KAZN: variants seen among roughly 807,000 people sequenced by gnomAD.
KAZN encodes the protein kazrin.
KAZN carries 40 observed loss-of-function variants against 87.4 expected under a neutral mutation model. That is an observed-to-expected ratio of 0.46 (90% CI 0.36 to 0.60). KAZN has a LOEUF of 0.60. KAZN is among the 20% of genes least tolerant of loss of function. KAZN has a pLI of 0.00. For synonymous variants in KAZN, 466 were observed against 458.3 expected (o/e 1.02, Z -0.22); for missense variants, 898 against 1,073.9 (o/e 0.84, Z 2.29).
At chr1:14,812,911 G>T (rs1282717498) in intron 1 of KAZN, among the ~76,000 whole-genome samples, 1 of 152,172 alleles carries the variant, frequency 6.6e-6, no homozygotes, top group African/African-American at 2.4e-5. Context: ...GAAACTCATA[G>T]CCTTAAGAAA....
chr1:15,000,975 T>A (rs12044913), intron 2 of KAZN, among the ~76,000 whole-genome samples: 10 of 151,848 alleles, frequency 6.6e-5, no homozygotes, highest in Admixed American at 6.5e-4. Context: ...TGGTAGTGTC[T>A]ACCTGTGATC....
chr1:14,437,895 C>G (rs947927813), intron 2 of KAZN, among the ~76,000 whole-genome samples: 4 of 152,104 alleles, frequency 2.6e-5, no homozygotes, highest in African/African-American at 9.7e-5. Context: ...GGAGGAGGAG[C>G]TGCCATCATC....
intron 1 of KAZN, among the ~76,000 whole-genome samples, chr1:14,911,374 C>T (rs901141728): frequency 6.6e-6 from 1 of 152,228 alleles, no homozygotes; most frequent in African/African-American, 2.4e-5. Flanking sequence ...AAAGAGCGAG[C>T]ACTTCCTGTT....
intron 1 of KAZN, among the ~76,000 whole-genome samples, chr1:13,909,134 G>A (rs1639555677): frequency 6.6e-6 from 1 of 152,178 alleles, no homozygotes. Flanking sequence ...TCTTATGGAA[G>A]TACAAGGTTA....
chr1:14,273,806 T>A (rs1652136145), intron 2 of KAZN, among the ~76,000 whole-genome samples: 1 of 150,872 alleles, frequency 6.6e-6, no homozygotes, highest in Non-Finnish European at 1.5e-5. Flanking sequence ...AAACAAGATC[T>A]TTCTCAAAGT....
chr1:14,579,365 C>T (rs976755779), intron 2 of KAZN, among the ~76,000 whole-genome samples: 1 of 152,162 alleles, frequency 6.6e-6, no homozygotes. Context: ...GTGGCTCACG[C>T]CTGTAATCCC....
chr1:13,967,080 A>G (rs539241682), intron 1 of KAZN, among the ~76,000 whole-genome samples: 27 of 152,230 alleles, frequency 1.8e-4, no homozygotes, highest in African/African-American at 6.5e-4. Context: ...TATTTTCTGT[A>G]GCACCTTAGA....
chr1:14,089,552 C>G (rs1351361753), intron 1 of KAZN, among the ~76,000 whole-genome samples: 1 of 152,112 alleles, frequency 6.6e-6, no homozygotes, highest in East Asian at 1.9e-4. Flanking sequence ...CCTTGTAGCA[C>G]TATACTTTCA....
At chr1:13,965,972 A>G (rs1004432566) in intron 1 of KAZN, among the ~76,000 whole-genome samples, 2 of 152,060 alleles carry the variant, frequency 1.3e-5, no homozygotes, top group African/African-American at 4.8e-5. Context: ...GTTATTGGAG[A>G]TGGAGCCCAG....
intron 1 of KAZN, among the ~76,000 whole-genome samples, chr1:14,166,314 AAAATAAAT>A (rs151108761): frequency 6.6e-6 from 1 of 152,082 alleles, no homozygotes; most frequent in South Asian, 2.1e-4. Flanking sequence ...GACTGTCTCA[AAAATAAAT>A]AAATAAATAA....
intron 1 of KAZN, among the ~76,000 whole-genome samples, chr1:14,124,900 G>A (rs969708158): frequency 1.3e-5 from 2 of 152,202 alleles, no homozygotes; most frequent in Non-Finnish European, 2.9e-5. Flanking sequence ...GCAGCACTGG[G>A]GAGGGGAGAG....
intron 2 of KAZN, among the ~76,000 whole-genome samples, chr1:14,435,334 A>G (rs1463788342): frequency 1.3e-5 from 2 of 152,186 alleles, no homozygotes; most frequent in African/African-American, 4.8e-5. Context: ...TGAATACCCA[A>G]GAGCTCTCCT....
chr1:14,907,348 G>A (rs1037362370), intron 1 of KAZN, among the ~76,000 whole-genome samples: 3 of 151,116 alleles, frequency 2.0e-5, no homozygotes, highest in Non-Finnish European at 4.4e-5. Context: ...GTTGCAGTGA[G>A]CTGCGATTGC....
At chr1:14,002,476 A>G (rs1233761734) in intron 1 of KAZN, among the ~76,000 whole-genome samples, 1 of 152,200 alleles carries the variant, frequency 6.6e-6, no homozygotes, top group East Asian at 1.9e-4. Context: ...TCTTGCTGCC[A>G]CCACGTAAGA....
chr1:14,540,514 A>G (rs1672746051), intron 2 of KAZN, among the ~76,000 whole-genome samples: 1 of 152,154 alleles, frequency 6.6e-6, no homozygotes, highest in African/African-American at 2.4e-5. Flanking sequence ...GATATGCCCC[A>G]TCCAAAGGGT....
chr1:14,930,562 T>C (rs1659698696), intron 1 of KAZN, among the ~76,000 whole-genome samples: 1 of 152,158 alleles, frequency 6.6e-6, no homozygotes, highest in Non-Finnish European at 1.5e-5. Context: ...AGCACCTTGT[T>C]ACATGTGTTC....
intron 1 of KAZN, among the ~76,000 whole-genome samples, chr1:14,162,835 C>T (rs980425106): frequency 3.3e-5 from 5 of 152,204 alleles, no homozygotes; most frequent in African/African-American, 9.6e-5. Context: ...TGAGCCACCA[C>T]GCTTGGCCGG....
chr1:15,058,080 TA>T, intron 5 of KAZN, among the ~76,000 whole-genome samples: 1 of 152,350 alleles, frequency 6.6e-6, no homozygotes, highest in Non-Finnish European at 1.5e-5. Flanking sequence ...TATGCTCCTG[TA>T]AAGTTGGGTG....
intron 4 of KAZN, among the ~76,000 whole-genome samples, chr1:15,054,288 C>T (rs571740926): frequency 6.6e-6 from 1 of 152,234 alleles, no homozygotes; most frequent in East Asian, 1.9e-4. Context: ...CATGTTCACC[C>T]AAAACCTCAG....
Sources: allele counts gnomAD v4.1 joint callset (sites outside exome capture counted in the v4.1 genomes callset), GRCh38; gene constraint gnomAD v4.1.1; transcripts MANE v1.5; gene names NCBI Gene and HGNC (gene_info 2026-07-23, HGNC 2026-07-21).